KDM4B: variants seen among roughly 807,000 people sequenced by gnomAD.
KDM4B encodes lysine demethylase 4B, also known as lysine-specific demethylase 4B.
In KDM4B, 32 loss-of-function variants were observed where a neutral mutation model predicts 125.2. The observed-to-expected ratio is 0.26, with a 90% CI of 0.19 to 0.34. The LOEUF (loss-of-function observed/expected upper bound fraction) is 0.34. Among genes scored for constraint, KDM4B ranks in the 10% least tolerant of loss-of-function variants. The pLI, the probability that KDM4B is intolerant of heterozygous loss-of-function variation, is 1.00. For synonymous variants in KDM4B, 721 were observed against 677.9 expected, an observed-to-expected ratio of 1.06 and a Z score of -0.99; for missense variants, 1,190 against 1,577.7, an observed-to-expected ratio of 0.75 and a Z score of 4.16.
intron 6 of KDM4B, among the ~76,000 whole-genome samples, chr19:5,059,435 C>T (rs369331385): frequency 2.0e-5 from 3 of 152,314 alleles, no homozygotes; most frequent in African/African-American, 4.8e-5. Context: ...GACCTGATTG[C>T]GAGCCAAGCA....
chr19:5,013,921 G>C (rs887947069), intron 1 of KDM4B, among the ~76,000 whole-genome samples: 3 of 152,194 alleles, frequency 2.0e-5, no homozygotes, highest in African/African-American at 7.2e-5. Flanking sequence ...GGGAGAGGTC[G>C]TGAAGCCCTT....
chr19:5,119,179 C>G, intron 10 of KDM4B: 1 of 1,535,374 alleles, frequency 6.5e-7, no homozygotes, highest in Non-Finnish European at 8.7e-7. Flanking sequence ...GAAACCAAGT[C>G]TAGAAAGGAA....
Position 5,151,676 on chromosome 19 carries a change from C to T in KDM4B, c.*165C>T, listed in dbSNP as rs746211515. 9.5e-6 allele frequency: 5 copies of T among 527,328 alleles called. No individual in the cohort carries two copies. Among genetic ancestry groups the T allele is most frequent in the Admixed American group, 4.4e-5 (1 of 22,770 alleles). 32.7% of individuals were successfully genotyped at this position (527,328 alleles called of 1,614,324 possible). On this transcript the variant is annotated 3_prime_UTR_variant, in exon 23 of 23. Transcript: ENST00000159111. ...ACAGGAGCCAGCGGGACGCCGCACG[C>T]GGCCCCAGACTCAGGGAGCAGGGCC...
chr19:5,032,701 G>A (rs2036496858), intron 2 of KDM4B, among the ~76,000 whole-genome samples, 165 bp from the exon 3 acceptor site: 1 of 152,182 alleles, frequency 6.6e-6, no homozygotes, highest in Non-Finnish European at 1.5e-5. Context: ...TGACGAGGCC[G>A]CTCGTGGTTT....
At chr19:5,000,146 T>C in intron 1 of KDM4B, among the ~76,000 whole-genome samples, 1 of 104,618 alleles carries the variant, frequency 9.6e-6, no homozygotes. Flanking sequence ...ATCCACCCAT[T>C]TACTCACCTA....
chr19:4,972,422 G>A (rs563474237), intron 1 of KDM4B, among the ~76,000 whole-genome samples: 2 of 152,172 alleles, frequency 1.3e-5, no homozygotes, highest in African/African-American at 2.4e-5. Context: ...GTTCGGAGCC[G>A]GTTTATTACA....
At chr19:5,048,901 G>T (rs1377208647) in intron 6 of KDM4B, among the ~76,000 whole-genome samples, 1 of 152,182 alleles carries the variant, frequency 6.6e-6, no homozygotes, top group Non-Finnish European at 1.5e-5. Context: ...CCAGACAGAA[G>T]CAGGGGGGTC....
At position 5,041,106 on chromosome 19, in the gene KDM4B, C is replaced by T. The variant is rs771053979; in HGVS notation, c.318-31C>T. 7 of 1,511,364 alleles carry T rather than the reference C, an allele frequency of 4.6e-6. No individual in the cohort carries two copies. In the Admixed American group the frequency reaches 8.4e-5, roughly 18 times the overall value. 93.6% of individuals were successfully genotyped at this position (1,511,364 alleles called of 1,614,324 possible). A position where few individuals can be genotyped will look rare whatever the true frequency, so the allele number is the denominator to read the frequency against. On this transcript the variant is annotated intron_variant, in intron 4 of 22. Coordinates refer to ENST00000159111, the MANE Select transcript of KDM4B (RefSeq NM_015015.3). ...GGCTGCGTAGCACCCAGGCCTCACC[C>T]TGAGCTGGTTTTGGGGTGTTTGTTC...
intron 5 of KDM4B, among the ~76,000 whole-genome samples, chr19:5,046,247 A>G (rs1173442115): frequency 6.6e-6 from 1 of 152,226 alleles, no homozygotes; most frequent in Non-Finnish European, 1.5e-5. Flanking sequence ...TGTGTTTGCC[A>G]TGCCTAGCCT....
intron 1 of KDM4B, among the ~76,000 whole-genome samples, chr19:4,972,103 TG>T (rs571048340): frequency 1.3e-3 from 204 of 152,312 alleles, no homozygotes; most frequent in Middle Eastern, 6.8e-3. Context: ...TCCCCCTTCC[TG>T]CCCCAGGGGT....
chr19:5,066,825 C>T (rs1398005365), intron 6 of KDM4B, among the ~76,000 whole-genome samples: 1 of 152,192 alleles, frequency 6.6e-6, no homozygotes, highest in Non-Finnish European at 1.5e-5. Context: ...TTGTGTACAG[C>T]ATTCCAGAAC....
Position 5,077,370 on chromosome 19 carries a change from T to G in KDM4B, c.680T>G (p.Phe227Cys). The G allele has an allele frequency of 6.2e-7, 1 of 1,612,676 alleles. No individual in the cohort carries two copies. The highest frequency in any genetic ancestry group is 8.5e-7 in the Non-Finnish European group (1 of 1,179,856). ...ACGTCTGTCTTTTCGGCCCTAGGCT[T>G]CTTCCCCGGGAGCTCGCAGGGCTGC... ...GKRLERLAIG[F>C]FPGSSQGCDA... is the part of the protein sequence containing the mutation. The change falls in exon 8 of 23, where the codon TTC becomes TGC. Residue 227 changes from phenylalanine to cysteine, a missense_variant. Phe to Cys is a radical substitution (Grantham distance 205, BLOSUM62 -2). Transcript: ENST00000159111.
chr19:5,000,839 C>T (rs991402665), intron 1 of KDM4B, among the ~76,000 whole-genome samples: 9 of 152,234 alleles, frequency 5.9e-5, no homozygotes, highest in African/African-American at 9.6e-5. Context: ...ATTCAACATA[C>T]GTGATGTAGT....
chr19:4,971,301 C>A lies in KDM4B; in HGVS notation c.-109+2071C>A, dbSNP rs969281092. ...AAGAGACCCTTCCTCAGCCTCCTGC[C>A]CTGTCTTCAGTCCCTGTCCCGTCCT... On this transcript the variant is annotated intron_variant, in intron 1 of 22. Transcript: ENST00000159111. This position sits in a 1 kb window ranked among gnomAD's most constrained non-coding sequence, Gnocchi z 4.1. Among the ~76,000 whole-genome samples the A allele has an allele frequency of 6.6e-6, 1 of 152,162 alleles. No homozygotes were observed. The highest frequency in any genetic ancestry group is 2.4e-5 in the African/African-American group (1 of 41,424).
intron 1 of KDM4B, among the ~76,000 whole-genome samples, chr19:4,970,101 GGGTCTGCCAGGGCCCA>G (rs1163440802): frequency 6.6e-6 from 1 of 152,092 alleles, no homozygotes; most frequent in Non-Finnish European, 1.5e-5. Flanking sequence ...GCTTGACCTG[GGGTCTGCCAGGGCCCA>G]GGTCTGCGCT....
intron 11 of KDM4B, among the ~76,000 whole-genome samples, chr19:5,128,811 C>T (rs1453357567): frequency 6.6e-6 from 1 of 151,562 alleles, no homozygotes; most frequent in African/African-American, 2.4e-5. Flanking sequence ...TGTTTACCTC[C>T]CCTGGCCAGA....
chr19:5,056,434 C>A (rs1654151650), intron 6 of KDM4B, among the ~76,000 whole-genome samples: 1 of 140,630 alleles, frequency 7.1e-6, no homozygotes. Flanking sequence ...GAGATGGAGT[C>A]TTGCTCTGTT....
At chr19:5,055,590 G>A (rs1459643289) in intron 6 of KDM4B, among the ~76,000 whole-genome samples, 12 of 152,168 alleles carry the variant, frequency 7.9e-5, no homozygotes, top group Admixed American at 5.2e-4. Flanking sequence ...CGCAGCAGGC[G>A]AGTGTCAGGC....
intron 11 of KDM4B, among the ~76,000 whole-genome samples, chr19:5,129,770 C>T (rs1251873067): frequency 2.6e-5 from 4 of 152,234 alleles, no homozygotes; most frequent in Non-Finnish European, 5.9e-5. Flanking sequence ...GCCCCTGTCC[C>T]CCTCCTCCAG....
Sources: allele counts gnomAD v4.1 joint callset (sites outside exome capture counted in the v4.1 genomes callset), GRCh38; gene constraint gnomAD v4.1.1; non-coding constraint Gnocchi (gnomAD v3.1); transcripts MANE v1.5; gene names NCBI Gene and HGNC (gene_info 2026-07-23, HGNC 2026-07-21).